Variants in SCN9A observed in about 807,000 individuals in gnomAD.
SCN9A encodes the protein sodium voltage-gated channel alpha subunit 9.
Under a neutral mutation model 187.0 loss-of-function variants are expected in SCN9A, and 131 were observed. The ratio of observed to expected loss-of-function variants is 0.70; its 90% CI spans 0.61 to 0.81. SCN9A has a LOEUF of 0.81. Among genes scored for constraint, SCN9A ranks in the 30% least tolerant of loss-of-function variants. SCN9A has a pLI of 0.00. For missense variants in SCN9A, 2,252 were observed against 2,396.6 expected, an observed-to-expected ratio of 0.94 and a Z score of 1.26; for synonymous variants, 809 against 808.6, an observed-to-expected ratio of 1.00 and a Z score of -0.01.
At chr2:166,265,858 C>G (rs1029509924) in intron 17 of SCN9A, among the ~76,000 whole-genome samples, 100 of 151,948 alleles carry the variant, frequency 6.6e-4, no homozygotes, top group African/African-American at 2.1e-3. Context: ...ATTTCTTTGT[C>G]TTCTTTTGAG....
intron 1 of SCN9A, among the ~76,000 whole-genome samples, chr2:166,356,080 T>G (rs1700146451): frequency 6.6e-6 from 1 of 151,800 alleles, no homozygotes; most frequent in African/African-American, 2.4e-5. Context: ...CAAAATGAGG[T>G]TTTTCACACA....
chr2:166,197,784 C>T lies in SCN9A; in HGVS notation c.*888G>A, dbSNP rs199706601. 6.6e-6 allele frequency: 1 copy of T among 152,112 alleles called. No individual in the cohort carries two copies. Among genetic ancestry groups the T allele is most frequent in the Non-Finnish European group, 1.5e-5 (1 of 67,982 alleles). 9.4% of individuals were successfully genotyped at this position (152,112 alleles called of 1,614,324 possible). On this transcript the variant is annotated 3_prime_UTR_variant, in exon 27 of 27. Transcript: ENST00000642356. ...ACAAAAGAGTTTAAGAGACTATTAT[C>T]AGTATTTTGGGCAGCACAGTCAAAT...
At chr2:166,331,038 C>G (rs1306469765) in intron 1 of SCN9A, among the ~76,000 whole-genome samples, 1 of 152,038 alleles carries the variant, frequency 6.6e-6, no homozygotes, top group Non-Finnish European at 1.5e-5. Context: ...GCACAAAAGA[C>G]AGATTAATAT....
rs200926701 is a variant in SCN9A, at chr2:166,284,786, C to T, written c.1641G>A (p.Arg547=). The change falls in exon 12 of 27, where the codon AGG becomes AGA. Residue 547 remains arginine, a synonymous_variant. Coordinates refer to ENST00000642356, the MANE Select transcript of SCN9A (RefSeq NM_001365536.1). ...TAAAAAGACTTGTTCTGCTGCTTCG[C>T]CTTGCAGAAAACAAGGAGCCACGAA... ...LSIRGSLFSA[R]RSSRTSLFSF... is the part of the protein sequence containing the mutation. 4.3e-6 allele frequency: 7 copies of T among 1,612,928 alleles called. No individual in the cohort carries two copies. The East Asian group carries it at 1.6e-4, about 36-fold the overall frequency.
At position 166,281,720 on chromosome 2, in the gene SCN9A, C is replaced by G. The variant is rs372147847; in HGVS notation, c.2063G>C (p.Arg688Thr). The G allele has an allele frequency of 6.2e-7, 1 of 1,613,376 alleles. No individual in the cohort carries two copies. Among genetic ancestry groups the G allele is most frequent in the Non-Finnish European group, 8.5e-7 (1 of 1,179,540 alleles). Residue 688 changes from arginine to threonine, a missense_variant, in exon 13 of 27, where the codon AGA (arginine) becomes ACA (threonine). Physicochemically the swap from Arg to Thr is moderately conservative, Grantham distance 71. Coordinates refer to ENST00000642356, the MANE Select transcript of SCN9A (RefSeq NM_001365536.1). Reference sequence around the variant, plus strand: ...TAATATGCTTGCTCTACTCATTGCTCTCTGTCTGAGGTTGGGATCATTCAG... The same window carrying G: ...TAATATGCTTGCTCTACTCATTGCTGTCTGTCTGAGGTTGGGATCATTCAG... ...DMLNDPNLRQ[R>T]AMSRASILTN...
chr2:166,293,339 A>G lies in SCN9A; in HGVS notation c.999T>C (p.Ile333=). 6.2e-7 allele frequency: 1 copy of G among 1,609,668 alleles called. No homozygotes were observed. Among genetic ancestry groups the G allele is most frequent in the Non-Finnish European group, 8.5e-7 (1 of 1,177,930 alleles). Residue 333 remains isoleucine, a synonymous_variant, in exon 9 of 27, where the codon ATT becomes ATC. Transcript: ENST00000642356. The part of the protein sequence containing the change: ...QCPEGYTCVK[I]GRNPDYGYTS... ...TGTAGCCATAATCAGGGTTTCTGCC[A>G]ATTTTCACACAGGTGTACCCCTCTG...
chr2:166,354,905 G>GA (rs1004090788), intron 1 of SCN9A, among the ~76,000 whole-genome samples: 5 of 151,288 alleles, frequency 3.3e-5, no homozygotes, highest in African/African-American at 1.2e-4. Flanking sequence ...GAAAAGCATA[G>GA]AAAAAAATAA....
intron 10 of SCN9A, among the ~76,000 whole-genome samples, chr2:166,288,233 G>A (rs1697876086): frequency 2.0e-5 from 3 of 151,290 alleles, no homozygotes; most frequent in African/African-American, 4.8e-5. Context: ...TTTTCATGCA[G>A]TGAGATGATT....
intron 18 of SCN9A, 46 bp downstream of exon 18, chr2:166,251,719 A>G (rs773000333): frequency 8.1e-6 from 13 of 1,609,044 alleles, no homozygotes; most frequent in Non-Finnish European, 1.1e-5. Flanking sequence ...CAAACCCCAG[A>G]ACACTAATTA....
intron 1 of SCN9A, among the ~76,000 whole-genome samples, chr2:166,370,512 C>T (rs1700534509): frequency 6.6e-6 from 1 of 150,450 alleles, no homozygotes; most frequent in African/African-American, 2.4e-5. Context: ...CACTGCACTC[C>T]AGCCTGGGCG....
intron 17 of SCN9A, among the ~76,000 whole-genome samples, chr2:166,255,694 A>C (rs1216450507): frequency 1.3e-5 from 2 of 151,454 alleles, no homozygotes; most frequent in African/African-American, 2.4e-5. Context: ...CACACAACAA[A>C]AAAAAAGATA....
intron 1 of SCN9A, among the ~76,000 whole-genome samples, chr2:166,336,847 G>A (rs1384660763): frequency 6.6e-6 from 1 of 152,094 alleles, no homozygotes; most frequent in African/African-American, 2.4e-5. Flanking sequence ...CCTGTGCTGA[G>A]TTGTAGACCC....
At chr2:166,212,200 ACAGTCAGTCTTG>A (rs1179195742) in intron 24 of SCN9A, among the ~76,000 whole-genome samples, 5 of 152,248 alleles carry the variant, frequency 3.3e-5, no homozygotes, top group African/African-American at 1.2e-4. Flanking sequence ...CTTAAGTCCC[ACAGTCAGTCTTG>A]CAGGACCTGT....
intron 6 of SCN9A, chr2:166,303,966 A>C (rs1252853852): frequency 9.7e-6 from 14 of 1,444,424 alleles, no homozygotes; most frequent in Non-Finnish European, 1.3e-5. Flanking sequence ...GCATAAAGAA[A>C]GGTTTTTTTT....
At chr2:166,324,833 G>A (rs190100237) in intron 1 of SCN9A, among the ~76,000 whole-genome samples, 28 of 152,230 alleles carry the variant, frequency 1.8e-4, no homozygotes, top group African/African-American at 5.5e-4. Flanking sequence ...GAGAAATTGC[G>A]ACAGCCTAGA....
Position 166,294,589 on chromosome 2 carries a change from T to C in SCN9A, c.965+10A>G, listed in dbSNP as rs202185010. 2.5e-6 allele frequency: 4 copies of C among 1,601,556 alleles called. No individual in the cohort carries two copies. The South Asian group carries it at 3.4e-5, about 13-fold the overall frequency. On this transcript the variant is annotated intron_variant, in intron 8 of 26. Transcript: ENST00000642356. ...GCCTTTAGACTAAAAAGAAAACAAA[T>C]ATTACATACCCTGAATCTGTGCTGA...
chr2:166,210,408 T>C (rs1330382206), intron 24 of SCN9A, among the ~76,000 whole-genome samples: 3 of 150,988 alleles, frequency 2.0e-5, no homozygotes, highest in African/African-American at 7.3e-5. Flanking sequence ...CATGTATACA[T>C]ATGTAACTAA....
At chr2:166,261,879 C>G (rs1212992823) in intron 17 of SCN9A, among the ~76,000 whole-genome samples, 1 of 151,976 alleles carries the variant, frequency 6.6e-6, no homozygotes, top group Non-Finnish European at 1.5e-5. Flanking sequence ...CTACTTAATA[C>G]ATTGTCCTGA....
At chr2:166,357,988 T>TA (rs1320640105) in intron 1 of SCN9A, among the ~76,000 whole-genome samples, 1 of 96,362 alleles carries the variant, frequency 1.0e-5, no homozygotes, top group African/African-American at 6.8e-5. Context: ...AAGTATTTCA[T>TA]AAATTTTTTT....
Sources: allele counts gnomAD v4.1 joint callset (sites outside exome capture counted in the v4.1 genomes callset), GRCh38; gene constraint gnomAD v4.1.1; transcripts MANE v1.5; gene names NCBI Gene and HGNC (gene_info 2026-07-23, HGNC 2026-07-21).